Variants in OR51B5 observed in about 807,000 individuals in gnomAD.
OR51B5 encodes the protein olfactory receptor family 51 subfamily B member 5.
For synonymous variants in OR51B5, 186 were observed against 144.8 expected (o/e 1.28, Z -2.04); for missense variants, 456 against 374.6 (o/e 1.22, Z -1.79).
chr11:5,473,246 A>G (rs1338985903), intron 1 of OR51B5, among the ~76,000 whole-genome samples: 5 of 152,190 alleles, frequency 3.3e-5, no homozygotes, highest in Non-Finnish European at 7.4e-5. Flanking sequence ...AGGGGTGCAA[A>G]TGCCTGTTGA....
chr11:5,454,058 T>C, intron 1 of OR51B5: 1 of 1,614,182 alleles, frequency 6.2e-7, no homozygotes, highest in South Asian at 1.1e-5. Flanking sequence ...TTGCCTGTGC[T>C]GATATCAGTA....
At chr11:5,480,706 A>G (rs1338370726) in intron 1 of OR51B5, among the ~76,000 whole-genome samples, 4 of 151,192 alleles carry the variant, frequency 2.6e-5, no homozygotes, top group Non-Finnish European at 5.9e-5. Flanking sequence ...AATACAAACT[A>G]CCATCAGAGA....
chr11:5,489,310 G>A lies in OR51B5; in HGVS notation n.84+16259C>T, dbSNP rs190320444. 2.3e-3 allele frequency: 3,721 copies of A among 1,613,952 alleles called. 131 individuals carry two copies. In the Admixed American group the frequency reaches 0.057, roughly 25 times the overall value. Reference sequence around the variant, plus strand: ...CAACATCACTGTCAATATTGTCTATGGGCTAACTGTGGCTCTGCTGGCCAT... The same window carrying A: ...CAACATCACTGTCAATATTGTCTATAGGCTAACTGTGGCTCTGCTGGCCAT... On this transcript the variant is annotated intron_variant and non_coding_transcript_variant, in intron 1 of 4. Coordinates refer to the OR51B5 transcript ENST00000415970.
At chr11:5,468,672 C>A in intron 1 of OR51B5, 1 of 456,546 alleles carries the variant, frequency 2.2e-6, no homozygotes, top group Non-Finnish European at 4.4e-6. Flanking sequence ...AAGATCAGCA[C>A]TGCATAGATA....
Position 5,463,351 on chromosome 11 carries a change from T to A in OR51B5, n.84+42218A>T, listed in dbSNP as rs920563190. Among the ~76,000 whole-genome samples, 2 of 152,216 alleles carry A rather than the reference T, an allele frequency of 1.3e-5. 1 individual carries two copies. Among genetic ancestry groups the A allele is most frequent in the African/African-American group, 4.8e-5 (2 of 41,456 alleles). On this transcript the variant is annotated intron_variant and non_coding_transcript_variant, in intron 1 of 4. Coordinates refer to the OR51B5 transcript ENST00000415970. Reference sequence around the variant, plus strand: ...AGGCATGTGTAACTTATCCAAGGCATTGGTGTGTGATAGGCTTTATTAAAG... The same window carrying A: ...AGGCATGTGTAACTTATCCAAGGCAATGGTGTGTGATAGGCTTTATTAAAG...
At chr11:5,456,651 T>C (rs1404371588) in intron 1 of OR51B5, 1 of 152,194 alleles carries the variant, frequency 6.6e-6, no homozygotes, top group Admixed American at 6.5e-5. Context: ...CATGTGCAGG[T>C]TTGTTACATG....
intron 1 of OR51B5, among the ~76,000 whole-genome samples, chr11:5,416,778 G>A (rs12281975): frequency 0.34 from 49,723 of 144,894 alleles, 8,801 homozygotes; most frequent in South Asian, 0.41. Context: ...AAATAAAAGA[G>A]GATAAAAACA....
At chr11:5,398,804 G>C (rs1057115462) in intron 1 of OR51B5, among the ~76,000 whole-genome samples, 1 of 152,120 alleles carries the variant, frequency 6.6e-6, no homozygotes, top group Non-Finnish European at 1.5e-5. Context: ...AGATGTGCCT[G>C]CTTCTCCTTC....
intron 1 of OR51B5, among the ~76,000 whole-genome samples, chr11:5,474,505 G>GTTT (rs1554895764): frequency 6.6e-6 from 1 of 152,004 alleles, no homozygotes; most frequent in Non-Finnish European, 1.5e-5. Context: ...TTAATAAATT[G>GTTT]TTTTTGGAGA....
At chr11:5,456,031 AAAT>A (rs1167079717) in intron 1 of OR51B5, 6 of 152,226 alleles carry the variant, frequency 3.9e-5, no homozygotes, top group South Asian at 2.1e-4. Context: ...TTTCAACATG[AAAT>A]AATAATTTTA....
intron 1 of OR51B5, among the ~76,000 whole-genome samples, chr11:5,417,300 G>A (rs375299486): frequency 0.029 from 4,372 of 149,952 alleles, 115 homozygotes; most frequent in African/African-American, 0.075. Flanking sequence ...AGACTTAAAC[G>A]TTAGACCTAA....
intron 1 of OR51B5, among the ~76,000 whole-genome samples, chr11:5,396,933 G>A (rs1439563715): frequency 6.6e-6 from 1 of 152,170 alleles, no homozygotes; most frequent in African/African-American, 2.4e-5. Context: ...TGACAAACCT[G>A]AGAAAAACAA....
chr11:5,497,181 A>G (rs757500660), intron 1 of OR51B5, among the ~76,000 whole-genome samples: 6 of 152,236 alleles, frequency 3.9e-5, no homozygotes, highest in Admixed American at 6.5e-5. Context: ...TGCGTTGAGT[A>G]CTTTTAAGTG....
In OR51B5 at chr11:5,447,285, T is replaced by C. The variant is rs1003208681; in HGVS notation, n.84+58284A>G. 5.9e-5 allele frequency among the ~76,000 whole-genome samples: 9 copies of C among 152,292 alleles called. No homozygotes were observed. In the South Asian group the frequency reaches 1.5e-3, roughly 25 times the overall value. On this transcript the variant is annotated intron_variant and non_coding_transcript_variant, in intron 1 of 4. Transcript: ENST00000415970. Reference sequence around the variant, plus strand: ...GATGGATACAGCTGGTTGGGAAGCATTGACAGATGCAAGGTATCTCTCACT... The same window carrying C: ...GATGGATACAGCTGGTTGGGAAGCACTGACAGATGCAAGGTATCTCTCACT...
At chr11:5,351,576 C>T (rs751943499) in intron 1 of OR51B5, 14 of 1,614,028 alleles carry the variant, frequency 8.7e-6, no homozygotes, top group Non-Finnish European at 1.2e-5. Flanking sequence ...AGGCACATCA[C>T]TGGATATTCA....
At chr11:5,397,303 C>T (rs1159112646) in intron 1 of OR51B5, among the ~76,000 whole-genome samples, 2 of 152,230 alleles carry the variant, frequency 1.3e-5, no homozygotes, top group East Asian at 1.9e-4. Flanking sequence ...GCAATCTACT[C>T]ATCTGACAAA....
chr11:5,443,831 G>T (rs1159729343), intron 1 of OR51B5, among the ~76,000 whole-genome samples: 2 of 151,840 alleles, frequency 1.3e-5, no homozygotes, highest in Non-Finnish European at 2.9e-5. Context: ...CAAGAAGGTG[G>T]AGAGACACAA....
intron 1 of OR51B5, among the ~76,000 whole-genome samples, chr11:5,407,745 C>T (rs1850080254): frequency 6.6e-6 from 1 of 151,482 alleles, no homozygotes; most frequent in Non-Finnish European, 1.5e-5. Context: ...CTCATGGGTA[C>T]ACTTTTAATA....
intron 1 of OR51B5, among the ~76,000 whole-genome samples, chr11:5,426,038 G>A (rs969657937): frequency 2.6e-5 from 4 of 152,132 alleles, no homozygotes; most frequent in African/African-American, 9.7e-5. Context: ...CAATTAAAGA[G>A]GAATGAACTA....
Sources: gnomAD v4.1 joint callset for allele counts (sites outside exome capture counted in the v4.1 genomes callset) on GRCh38, gnomAD v4.1.1 for gene constraint, MANE v1.5 for transcripts, NCBI Gene and HGNC (gene_info 2026-07-23, HGNC 2026-07-21) for gene names.